RAD54L2: variants seen among roughly 807,000 people sequenced by gnomAD.
RAD54L2 encodes the protein helicase ARIP4.
Under a neutral mutation model 138.4 loss-of-function variants are expected in RAD54L2, and 27 were observed. The ratio of observed to expected loss-of-function variants is 0.20; its 90% CI spans 0.14 to 0.27. The LOEUF is 0.27. Ranked by LOEUF, RAD54L2 falls within the 10% of genes least tolerant of loss-of-function variation. The probability of loss-of-function intolerance (pLI) is 1.00; values close to 1 mark genes in which losing one functional copy is unlikely to be tolerated. For missense variants in RAD54L2, 1,396 were observed against 1,890.2 expected (o/e 0.74, Z 4.85); for synonymous variants, 644 against 723.2 (o/e 0.89, Z 1.76).
At position 51,629,364 on chromosome 3, in the gene RAD54L2, T is replaced by C. The variant is rs1420084872; in HGVS notation, c.372T>C (p.Pro124=). 6.3e-7 allele frequency: 1 copy of C among 1,597,156 alleles called. No individual in the cohort carries two copies. The highest frequency in any genetic ancestry group is 8.5e-7 in the Non-Finnish European group (1 of 1,171,968). Residue 124 remains proline (P), a synonymous_variant, in exon 5 of 23, where the codon CCT becomes CCC. Transcript: ENST00000684192. Reference sequence around the variant, plus strand: ...TACTCCGGGAGGATCAATTGGAGCCTGTTACCAAAGCAGCACAGCAAGAAG... The same window carrying C: ...TACTCCGGGAGGATCAATTGGAGCCCGTTACCAAAGCAGCACAGCAAGAAG... ...RKLLREDQLE[P]VTKAAQQEEL...
At position 51,618,134 on chromosome 3, in the gene RAD54L2, A is replaced by T. The variant is rs866289019; in HGVS notation, c.140-9419A>T. On this transcript the variant is annotated intron_variant, in intron 3 of 22. Coordinates refer to ENST00000684192, the MANE Select transcript of RAD54L2 (RefSeq NM_015106.4). ...CCACCATGCCCGGCTAATATTTTGTATTTTTTTTTTTTTTTTTTTTAAGTG... is the reference window on the plus strand; with the variant it reads ...CCACCATGCCCGGCTAATATTTTGTTTTTTTTTTTTTTTTTTTTTTAAGTG... 5.3e-3 allele frequency among the ~76,000 whole-genome samples: 595 copies of T among 112,072 alleles called. 6 individuals carry two copies. The highest frequency in any genetic ancestry group is 0.018 in the African/African-American group (538 of 30,640). 73.5% of individuals were successfully genotyped at this position (112,072 alleles called of 152,430 possible). A position where few individuals can be genotyped will look rare whatever the true frequency, so the allele number is the denominator to read the frequency against.
chr3:51,594,066 C>CTTTTTTTTT (rs904101025), intron 3 of RAD54L2, among the ~76,000 whole-genome samples: 21 of 105,130 alleles, frequency 2.0e-4, no homozygotes, highest in South Asian at 3.2e-4. Flanking sequence ...TTTTCTTTTT[C>CTTTTTTTTT]TTTTTTTTTT....
chr3:51,583,911 G>A (rs1476793193), intron 2 of RAD54L2, among the ~76,000 whole-genome samples: 1 of 151,340 alleles, frequency 6.6e-6, no homozygotes, highest in Non-Finnish European at 1.5e-5. Flanking sequence ...TCCCTGAATG[G>A]CTCTTTAAAC....
chr3:51,598,684 G>A (rs1312361538), intron 3 of RAD54L2, among the ~76,000 whole-genome samples: 1 of 151,984 alleles, frequency 6.6e-6, no homozygotes, highest in Non-Finnish European at 1.5e-5. Flanking sequence ...TGAACCCAGG[G>A]GGCAGAGACT....
At chr3:51,649,232 G>C (rs4494918) in intron 19 of RAD54L2, among the ~76,000 whole-genome samples, 114,495 of 151,590 alleles carry the variant, frequency 0.76, 44,203 homozygotes, top group Middle Eastern at 0.85. Context: ...AATGAAATGC[G>C]GTGAGAAAAG....
intron 2 of RAD54L2, among the ~76,000 whole-genome samples, chr3:51,551,653 T>C (rs528090245): frequency 6.6e-6 from 1 of 152,188 alleles, no homozygotes; most frequent in East Asian, 1.9e-4. Context: ...CAGGCTGGTC[T>C]CGAACTCCTG....
At chr3:51,566,476 T>G (rs1008205244) in intron 2 of RAD54L2, among the ~76,000 whole-genome samples, 3 of 130,948 alleles carry the variant, frequency 2.3e-5, no homozygotes, top group Non-Finnish European at 3.3e-5. Context: ...GTTTTTTTTT[T>G]TTTTTTTTTT....
intron 3 of RAD54L2, among the ~76,000 whole-genome samples, chr3:51,626,478 T>C (rs1283360637): frequency 1.0e-5 from 1 of 95,550 alleles, no homozygotes; most frequent in Non-Finnish European, 2.1e-5. Flanking sequence ...GGAGTCTCAT[T>C]ATGTCGCCCA....
intron 18 of RAD54L2, among the ~76,000 whole-genome samples, chr3:51,646,084 C>A (rs1346912076): frequency 6.6e-6 from 1 of 152,182 alleles, no homozygotes; most frequent in African/African-American, 2.4e-5. Context: ...ATAGGGAAGG[C>A]AGACTTAGAT....
At chr3:51,658,359 G>C (rs1701663136) in intron 21 of RAD54L2, among the ~76,000 whole-genome samples, 1 of 152,196 alleles carries the variant, frequency 6.6e-6, no homozygotes, top group African/African-American at 2.4e-5. Context: ...GGAGCAGGGT[G>C]GGGGTCCCCT....
intron 9 of RAD54L2, 110 bp from the exon 10 acceptor site, chr3:51,635,483 G>A (rs1577445706): frequency 8.3e-7 from 1 of 1,203,600 alleles, no homozygotes; most frequent in Non-Finnish European, 1.1e-6. Context: ...AGTTCTGAAT[G>A]TACATCAACA....
chr3:51,550,659 T>C (rs1269949181), intron 2 of RAD54L2, among the ~76,000 whole-genome samples: 1 of 152,152 alleles, frequency 6.6e-6, no homozygotes, highest in Middle Eastern at 3.2e-3. Flanking sequence ...GAGGATTGCC[T>C]GACCCTGGGA....
intron 2 of RAD54L2, among the ~76,000 whole-genome samples, chr3:51,547,871 C>T (rs1201650811): frequency 6.6e-6 from 1 of 151,764 alleles, no homozygotes; most frequent in African/African-American, 2.4e-5. Context: ...CGTGCCCAGC[C>T]TATAAAATAC....
chr3:51,614,901 G>A (rs1168660380), intron 3 of RAD54L2, among the ~76,000 whole-genome samples: 2 of 151,740 alleles, frequency 1.3e-5, no homozygotes, highest in African/African-American at 4.8e-5. Flanking sequence ...TCATCCCAGG[G>A]TGTAAATATG....
chr3:51,639,905 C>T lies in RAD54L2; in HGVS notation c.2137C>T (p.Gln713Ter). 6.2e-7 allele frequency: 1 copy of T among 1,610,136 alleles called. No individual in the cohort carries two copies. The highest frequency in any genetic ancestry group is 1.1e-5 in the South Asian group (1 of 90,430). Residue 713 changes from glutamine (Q) to a stop codon, truncating the protein, a stop_gained, in exon 14 of 23, where the codon CAG (glutamine) becomes TAG (stop). Transcript: ENST00000684192. LOFTEE classifies it high-confidence loss of function. ...GGCCAAGGACCTTCTGACTAATTAC[C>T]AGACTGGAGTCCTAGAAAACTCTCC... ...EWAKDLLTNYQTGVLENSPKM... is the reference protein window; with the variant it reads ...EWAKDLLTNY
At chr3:51,568,521 C>T (rs190894967) in intron 2 of RAD54L2, among the ~76,000 whole-genome samples, 211 of 152,268 alleles carry the variant, frequency 1.4e-3, no homozygotes, top group Non-Finnish European at 1.5e-3. Context: ...AGGTGTTCCA[C>T]TTTTCTTCTT....
chr3:51,558,434 A>G (rs1242586369), intron 2 of RAD54L2, among the ~76,000 whole-genome samples: 1 of 150,718 alleles, frequency 6.6e-6, no homozygotes, highest in Non-Finnish European at 1.5e-5. Flanking sequence ...GGACTTTGGC[A>G]AGCCTTTCTC....
At chr3:51,653,795 G>C (rs1179403710) in intron 19 of RAD54L2, among the ~76,000 whole-genome samples, 1 of 152,122 alleles carries the variant, frequency 6.6e-6, no homozygotes, top group African/African-American at 2.4e-5. Context: ...GTGGGGGGAT[G>C]GGGGAGGGAT....
intron 3 of RAD54L2, among the ~76,000 whole-genome samples, chr3:51,591,304 GTTTGTAA>G (rs914447237): frequency 1.3e-5 from 2 of 152,146 alleles, no homozygotes; most frequent in African/African-American, 4.8e-5. Flanking sequence ...GGATTTAGTT[GTTTGTAA>G]GCTTCCTACT....
Sources: gnomAD v4.1 joint callset for allele counts (sites outside exome capture counted in the v4.1 genomes callset) on GRCh38, gnomAD v4.1.1 for gene constraint, MANE v1.5 for transcripts, NCBI Gene and HGNC (gene_info 2026-07-23, HGNC 2026-07-21) for gene names.